Variants in CDH10 observed in about 807,000 individuals in gnomAD.
The protein encoded by CDH10 is cadherin-10.
Under a neutral mutation model 73.1 loss-of-function variants are expected in CDH10, and 30 were observed. The observed-to-expected ratio is 0.41, with a 90% CI of 0.31 to 0.56. CDH10 has a LOEUF of 0.56. CDH10 is among the 20% of genes least tolerant of loss of function. The pLI, the probability that CDH10 is intolerant of heterozygous loss-of-function variation, is 0.27. For missense variants in CDH10, 815 were observed against 973.7 expected, an observed-to-expected ratio of 0.84 and a Z score of 2.17; for synonymous variants, 345 against 348.2, an observed-to-expected ratio of 0.99 and a Z score of 0.10.
intron 5 of CDH10, among the ~76,000 whole-genome samples, chr5:24,517,925 G>A (rs1235648166): frequency 6.6e-6 from 1 of 152,118 alleles, no homozygotes; most frequent in Admixed American, 6.5e-5. Context: ...GTTTAAGGGT[G>A]ATCCAGATGT....
intron 2 of CDH10, among the ~76,000 whole-genome samples, chr5:24,585,067 C>G (rs188971444): frequency 4.1e-4 from 63 of 152,148 alleles, no homozygotes; most frequent in South Asian, 2.1e-3. Flanking sequence ...AGGCTGATCT[C>G]GAACTCCCAG....
intron 9 of CDH10, 24 bp from the exon 10 acceptor site, chr5:24,492,949 T>A: frequency 1.1e-6 from 1 of 875,618 alleles, no homozygotes; most frequent in Non-Finnish European, 2.0e-6. Flanking sequence ...AAAATATATC[T>A]CATCAATATA....
At chr5:24,555,676 A>G (rs1579802455) in intron 2 of CDH10, among the ~76,000 whole-genome samples, 1 of 152,290 alleles carries the variant, frequency 6.6e-6, no homozygotes, top group East Asian at 1.9e-4. Flanking sequence ...TTCATCAGAA[A>G]TGAGAGAGAG....
At chr5:24,539,346 C>T (rs1053185184) in intron 2 of CDH10, among the ~76,000 whole-genome samples, 4 of 151,712 alleles carry the variant, frequency 2.6e-5, no homozygotes, top group African/African-American at 9.7e-5. Flanking sequence ...TTCTTTTTTA[C>T]TTATGAGAAC....
chr5:24,514,945 T>A (rs1337153919), intron 5 of CDH10, among the ~76,000 whole-genome samples: 4 of 152,138 alleles, frequency 2.6e-5, no homozygotes, highest in Non-Finnish European at 5.9e-5. Flanking sequence ...GCATGAAACA[T>A]TTAATCCAAT....
At chr5:24,530,010 T>C (rs1471134412) in intron 5 of CDH10, among the ~76,000 whole-genome samples, 1 of 117,968 alleles carries the variant, frequency 8.5e-6, no homozygotes, top group African/African-American at 3.0e-5. Context: ...AAAGGCTCTA[T>C]TTTTACTTTT....
At chr5:24,609,848 A>G (rs957487591) in intron 1 of CDH10, 3 of 152,226 alleles carry the variant, frequency 2.0e-5, no homozygotes, top group Non-Finnish European at 4.4e-5. Context: ...CTTCGCATCG[A>G]TGATCAGGCA....
At chr5:24,553,488 C>G (rs765946282) in intron 2 of CDH10, among the ~76,000 whole-genome samples, 9 of 152,242 alleles carry the variant, frequency 5.9e-5, no homozygotes, top group Middle Eastern at 3.4e-3. Flanking sequence ...CTGACTCCTA[C>G]TTTCCATCTC....
intron 2 of CDH10, among the ~76,000 whole-genome samples, chr5:24,591,647 T>G (rs955701653): frequency 4.6e-5 from 7 of 151,898 alleles, no homozygotes; most frequent in Non-Finnish European, 5.9e-5. Flanking sequence ...GAATTCAATT[T>G]AATATGACTC....
intron 1 of CDH10, among the ~76,000 whole-genome samples, chr5:24,639,451 A>T (rs1747972420): frequency 6.6e-6 from 1 of 151,712 alleles, no homozygotes. Context: ...TTCAACTTTA[A>T]TTCTTGTATT....
chr5:24,521,884 C>A lies in CDH10; in HGVS notation c.815-10370G>T, dbSNP rs911112727. On this transcript the variant is annotated intron_variant, in intron 5 of 11. Coordinates refer to ENST00000264463, the MANE Select transcript of CDH10 (RefSeq NM_006727.5). The stretch of plus-strand genomic sequence containing the variant: ...TGCCAGGTGGCTCACACCTATAATC[C>A]CAGCACTTTGGGAGGCTGAGGTGGG... Among the ~76,000 whole-genome samples, 6 of 152,082 alleles carry A rather than the reference C, an allele frequency of 3.9e-5. No individual in the cohort carries two copies. The East Asian group carries it at 1.2e-3, about 30-fold the overall frequency.
chr5:24,563,771 C>T lies in CDH10; in HGVS notation c.232-26097G>A, dbSNP rs1289994087. 7.8e-4 allele frequency among the ~76,000 whole-genome samples: 45 copies of T among 58,022 alleles called. 3 individuals carry two copies. Among genetic ancestry groups the T allele is most frequent in the African/African-American group, 2.8e-3 (41 of 14,482 alleles). The allele number at this position is 58,022 out of a possible 152,430, so 38.1% of individuals were successfully genotyped here. On this transcript the variant is annotated intron_variant, in intron 2 of 11. Coordinates refer to ENST00000264463, the MANE Select transcript of CDH10 (RefSeq NM_006727.5). ...GCGACAGAGCGAGACTCCGCCCCCT[C>T]CACCAAAAAAAAAAAAAAAAAAAAA...
At chr5:24,615,953 A>G (rs1747112550) in intron 1 of CDH10, among the ~76,000 whole-genome samples, 1 of 152,164 alleles carries the variant, frequency 6.6e-6, no homozygotes, top group Non-Finnish European at 1.5e-5. Flanking sequence ...TTTTTCATTT[A>G]TCCCTTCTCA....
rs143643297 is a variant in CDH10 at position 24,519,210 on chromosome 5, A to G, written c.815-7696T>C. ...CCAGCCCACATGCAAAATTTGAGTT[A>G]AAAATTCTCAGTCTGCATCTTTTTT... On this transcript the variant is annotated intron_variant, in intron 5 of 11. Coordinates refer to ENST00000264463, the MANE Select transcript of CDH10 (RefSeq NM_006727.5). 5.3e-5 allele frequency among the ~76,000 whole-genome samples: 8 copies of G among 152,164 alleles called. No homozygotes were observed. The East Asian group carries it at 1.5e-3, about 29-fold the overall frequency.
intron 5 of CDH10, among the ~76,000 whole-genome samples, chr5:24,525,751 C>T (rs1050542361): frequency 6.6e-6 from 1 of 152,022 alleles, no homozygotes; most frequent in Non-Finnish European, 1.5e-5. Flanking sequence ...ATCAACTCAG[C>T]TTTGGGCATT....
chr5:24,540,903 C>T (rs960245797), intron 2 of CDH10, among the ~76,000 whole-genome samples: 6 of 151,882 alleles, frequency 4.0e-5, no homozygotes, highest in African/African-American at 1.4e-4. Context: ...GAGATATTCA[C>T]TGTAATAATG....
intron 11 of CDH10, among the ~76,000 whole-genome samples, chr5:24,488,996 G>A (rs1251972584): frequency 7.9e-5 from 12 of 151,986 alleles, no homozygotes; most frequent in Admixed American, 7.9e-4. Context: ...TAAATGATAA[G>A]AGAAAGTTAA....
intron 1 of CDH10, among the ~76,000 whole-genome samples, chr5:24,638,011 T>C (rs1463481449): frequency 6.6e-6 from 1 of 151,838 alleles, no homozygotes; most frequent in Non-Finnish European, 1.5e-5. Flanking sequence ...AAGATTATGG[T>C]TGCCATTCAT....
At chr5:24,596,106 A>T (rs1746360440) in intron 1 of CDH10, among the ~76,000 whole-genome samples, 1 of 152,020 alleles carries the variant, frequency 6.6e-6, no homozygotes, top group African/African-American at 2.4e-5. Flanking sequence ...TTAAATAAAA[A>T]TAGAAAATTA....
Sources: allele counts gnomAD v4.1 joint callset (sites outside exome capture counted in the v4.1 genomes callset), GRCh38; gene constraint gnomAD v4.1.1; transcripts MANE v1.5; gene names NCBI Gene and HGNC (gene_info 2026-07-23, HGNC 2026-07-21).